The following STRADB variants were observed in gnomAD, a reference collection of about 807,000 sequenced individuals.
STRADB encodes STE20-related kinase adapter protein beta.
In STRADB, 34 loss-of-function variants were observed where a neutral mutation model predicts 52.1. The observed-to-expected ratio is 0.65, with a 90% CI of 0.50 to 0.87. The LOEUF (loss-of-function observed/expected upper bound fraction) is 0.87, where lower values mean the gene tolerates loss of function less well. Ranked by LOEUF, STRADB falls within the 40% of genes least tolerant of loss-of-function variation. The pLI, the probability that STRADB is intolerant of heterozygous loss-of-function variation, is 0.00. For missense variants in STRADB, 340 were observed against 483.9 expected (o/e 0.70, Z 2.79); for synonymous variants, 133 against 174.5 (o/e 0.76, Z 1.87).
chr2:201,469,476 A>G (rs1952356407), intron 3 of STRADB, among the ~76,000 whole-genome samples: 1 of 152,122 alleles, frequency 6.6e-6, no homozygotes, highest in African/African-American at 2.4e-5. Flanking sequence ...TCTTGCAAAA[A>G]ACTTCATCAG....
intron 1 of STRADB, among the ~76,000 whole-genome samples, chr2:201,453,222 A>G (rs1467089925): frequency 6.6e-6 from 1 of 152,236 alleles, no homozygotes; most frequent in African/African-American, 2.4e-5. Flanking sequence ...CTTTTCTGAA[A>G]AAGAGAAAAA....
Position 201,480,348 on chromosome 2 carries a change from G to A in STRADB, c.*173G>A. On this transcript the variant is annotated 3_prime_UTR_variant, in exon 12 of 12. Coordinates refer to ENST00000194530, the MANE Select transcript of STRADB (RefSeq NM_018571.6). Reference sequence around the variant, plus strand: ...AGGGGCACCAGTTTGTAGTCCCTCTGTTTCGCACAGAGTACTATGACAAGG... The same window carrying A: ...AGGGGCACCAGTTTGTAGTCCCTCTATTTCGCACAGAGTACTATGACAAGG... 1 of 1,447,200 alleles carries A rather than the reference G, an allele frequency of 6.9e-7. No individual in the cohort carries two copies. Among genetic ancestry groups the A allele is most frequent in the East Asian group, 2.4e-5 (1 of 40,990 alleles). 89.6% of individuals were successfully genotyped at this position (1,447,200 alleles called of 1,614,324 possible). A position where few individuals can be genotyped will look rare whatever the true frequency, so the allele number is the denominator to read the frequency against.
intron 8 of STRADB, 124 bp from the exon 9 acceptor site, chr2:201,477,963 T>G: frequency 8.6e-7 from 1 of 1,162,390 alleles, no homozygotes; most frequent in Non-Finnish European, 1.2e-6. Flanking sequence ...AAGTGTGTCT[T>G]GATTTGTCGC....
chr2:201,479,666 CAAG>C, intron 11 of STRADB, 135 bp downstream of exon 11: 1 of 903,060 alleles, frequency 1.1e-6, no homozygotes, highest in Non-Finnish European at 1.7e-6. Flanking sequence ...AAGTTAAAAA[CAAG>C]AAAACTTTTG....
rs752469715 is a variant in STRADB, at chr2:201,477,803, C to T, written c.720+13C>T. ...ACTACTGAGACAGGTCAGGTGTGGC[C>T]GTTGGATTGGGTTGTCTGTGTCTCA... On this transcript the variant is annotated intron_variant, in intron 8 of 11. Transcript: ENST00000194530. The T allele has an allele frequency of 9.3e-6, 15 of 1,607,192 alleles. No homozygotes were observed. The highest frequency in any genetic ancestry group is 6.6e-5 in the South Asian group (6 of 90,884).
intron 3 of STRADB, among the ~76,000 whole-genome samples, chr2:201,462,339 CT>C (rs1489373704): frequency 1.3e-5 from 2 of 152,068 alleles, no homozygotes; most frequent in East Asian, 1.9e-4. Flanking sequence ...ATAATTGAAT[CT>C]TTTTTTAATC....
At position 201,470,564 on chromosome 2, in the gene STRADB, G is replaced by A. The variant is rs549851939; in HGVS notation, c.193+512G>A. The stretch of plus-strand genomic sequence containing the variant: ...AAACATCTATTAAACACTACACACC[G>A]GTGATTGTGTTAGGTGCTAGGGAAA... On this transcript the variant is annotated intron_variant, in intron 4 of 11. Transcript: ENST00000194530. 5.9e-5 allele frequency among the ~76,000 whole-genome samples: 9 copies of A among 152,252 alleles called. No homozygotes were observed. The East Asian group carries it at 7.7e-4, about 13-fold the overall frequency.
At chr2:201,470,114 A>T (rs1952366812) in intron 4 of STRADB, 62 bp downstream of exon 4, 2 of 1,315,600 alleles carry the variant, frequency 1.5e-6, no homozygotes, top group Admixed American at 3.6e-5. Flanking sequence ...TGACAAAAAG[A>T]TTATTTTGTG....
rs1320758356 is a variant in STRADB, at chr2:201,474,032, A to G, written c.316-615A>G. Among the ~76,000 whole-genome samples, 4 of 151,708 alleles carry G rather than the reference A, an allele frequency of 2.6e-5. No homozygotes were observed. The East Asian group carries it at 7.8e-4, about 29-fold the overall frequency. On this transcript the variant is annotated intron_variant, in intron 5 of 11. Coordinates refer to ENST00000194530, the MANE Select transcript of STRADB (RefSeq NM_018571.6). ...CAGCCTCCCGAGTAGCTGGGACTAC[A>G]GGCGCCCACCACCACGTCCAGCTAA...
At chr2:201,460,420 G>A (rs528137378) in intron 3 of STRADB, among the ~76,000 whole-genome samples, 9 of 152,000 alleles carry the variant, frequency 5.9e-5, no homozygotes, top group Non-Finnish European at 1.2e-4. Flanking sequence ...ATTTTAAAAT[G>A]TATAATAAGT....
At chr2:201,464,122 G>A (rs113056251) in intron 3 of STRADB, among the ~76,000 whole-genome samples, 3 of 152,222 alleles carry the variant, frequency 2.0e-5, no homozygotes, top group African/African-American at 7.2e-5. Context: ...TGTTTTCCTA[G>A]ATGTTCTTGA....
intron 2 of STRADB, among the ~76,000 whole-genome samples, chr2:201,455,328 T>C (rs1952111488): frequency 6.6e-6 from 1 of 152,202 alleles, no homozygotes; most frequent in Admixed American, 6.5e-5. Context: ...GTATCTACTT[T>C]AGATTAAGTA....
At chr2:201,473,696 T>C (rs1233208367) in intron 5 of STRADB, among the ~76,000 whole-genome samples, 2 of 152,158 alleles carry the variant, frequency 1.3e-5, no homozygotes, top group African/African-American at 4.8e-5. Flanking sequence ...GTCAGTCCCA[T>C]CCTAAATAGT....
Position 201,480,357 on chromosome 2 carries a change from A to G in STRADB, c.*182A>G, listed in dbSNP as rs562171336. ...AGTTTGTAGTCCCTCTGTTTCGCAC[A>G]GAGTACTATGACAAGGAAACATCAG... On this transcript the variant is annotated 3_prime_UTR_variant, in exon 12 of 12. Transcript: ENST00000194530. The G allele has an allele frequency of 1.4e-6, 2 of 1,428,142 alleles. No individual in the cohort carries two copies. The highest frequency in any genetic ancestry group is 2.5e-5 in the East Asian group (1 of 40,316). The allele number at this position is 1,428,142 out of a possible 1,614,324, so 88.5% of individuals were successfully genotyped here.
chr2:201,467,309 T>C (rs941128403), intron 3 of STRADB, among the ~76,000 whole-genome samples: 1 of 152,244 alleles, frequency 6.6e-6, no homozygotes, highest in African/African-American at 2.4e-5. Context: ...CAGACATTTG[T>C]GGGCATCAAA....
At chr2:201,452,111 G>A (rs115407091) in intron 1 of STRADB, among the ~76,000 whole-genome samples, 173 bp downstream of exon 1, 1,874 of 152,106 alleles carry the variant, frequency 0.012, 57 homozygotes, top group African/African-American at 0.043. Context: ...TGCGGCCCGA[G>A]GTGGCGAGCA....
chr2:201,480,062 T>G lies in STRADB; in HGVS notation c.1144T>G (p.Ser382Ala). Residue 382 changes from serine to alanine, a missense_variant, in exon 12 of 12, where the codon TCA (serine) becomes GCA (alanine). Physicochemically the swap from Ser to Ala is moderately conservative, Grantham distance 99 (BLOSUM62 1). Coordinates refer to ENST00000194530, the MANE Select transcript of STRADB (RefSeq NM_018571.6). ...AGAAGAAAGCCAGGATTCAATACTT[T>G]CACTGTTGCCTCCTGCTTATAACAA... is the stretch of plus-strand genomic sequence containing the variant. ...MKEESQDSIL[S>A]LLPPAYNKPS... is the part of the protein sequence containing the mutation. The G allele has an allele frequency of 1.2e-6, 2 of 1,613,908 alleles. No homozygotes were observed.
chr2:201,477,825 C>G (rs1264643233), intron 8 of STRADB, 35 bp downstream of exon 8: 2 of 1,599,834 alleles, frequency 1.3e-6, no homozygotes, highest in Non-Finnish European at 1.7e-6. Flanking sequence ...TTGTCTGTGT[C>G]TCAAGTGTCT....
intron 7 of STRADB, among the ~76,000 whole-genome samples, chr2:201,476,729 C>G (rs1044190832): frequency 6.6e-6 from 1 of 150,998 alleles, no homozygotes; most frequent in Non-Finnish European, 1.5e-5. Flanking sequence ...AATCCCAGCA[C>G]TTTGAGAGGC....
Sources: gnomAD v4.1 joint callset for allele counts (sites outside exome capture counted in the v4.1 genomes callset) on GRCh38, gnomAD v4.1.1 for gene constraint, MANE v1.5 for transcripts, NCBI Gene and HGNC (gene_info 2026-07-23, HGNC 2026-07-21) for gene names.